The following AK9 variants were observed in gnomAD, a reference collection of about 807,000 sequenced individuals.
The protein encoded by AK9 is adenylate kinase 9.
In AK9, 191 loss-of-function variants were observed where a neutral mutation model predicts 239.6. The ratio of observed to expected loss-of-function variants is 0.80; its 90% confidence interval spans 0.71 to 0.90. The LOEUF (loss-of-function observed/expected upper bound fraction) is 0.90, where lower values mean the gene tolerates loss of function less well. Among genes scored for constraint, AK9 ranks in the 40% least tolerant of loss-of-function variants. The pLI, the probability that AK9 is intolerant of heterozygous loss-of-function variation, is 0.00. For missense variants in AK9, 1,995 were observed against 2,214.7 expected (o/e 0.90, Z 1.99); for synonymous variants, 689 against 721.0 (o/e 0.96, Z 0.71).
chr6:109,688,722 T>C (rs1773869523), intron 1 of AK9, among the ~76,000 whole-genome samples: 1 of 152,174 alleles, frequency 6.6e-6, no homozygotes, highest in Non-Finnish European at 1.5e-5. Flanking sequence ...GATGGTTCTA[T>C]CAGGGGACCC....
chr6:109,587,657 A>G (rs1437397115), intron 17 of AK9, among the ~76,000 whole-genome samples: 1 of 152,202 alleles, frequency 6.6e-6, no homozygotes, highest in African/African-American at 2.4e-5. Flanking sequence ...CTCCAGTTCC[A>G]TCCATGTTAC....
chr6:109,633,038 C>A lies in AK9; in HGVS notation c.1139G>T (p.Arg380Leu). 1 of 1,579,358 alleles carries A rather than the reference C, an allele frequency of 6.3e-7. No homozygotes were observed. Residue 380 changes from arginine (R) to leucine (L), a missense_variant, in exon 12 of 41, where the codon CGT becomes CTT. By Grantham distance (102) the Arg-to-Leu change is moderately radical. Around this residue, in one of 5 missense-constraint regions of AK9, gnomAD observed 1,290 missense variants for 1,392.7 expected, o/e 0.93. Coordinates refer to ENST00000424296, the MANE Select transcript of AK9 (RefSeq NM_001145128.3). ...EALKPFLLNP[R>L]PYLLPPMPGP... ...TGGCATAGGTGGAAGCAGATAGGGA[C>A]GTGGGTTCAACAAAAATGGTTTTAA...
At chr6:109,626,514 A>G (rs1167979689) in intron 12 of AK9, among the ~76,000 whole-genome samples, 2 of 152,212 alleles carry the variant, frequency 1.3e-5, no homozygotes, top group African/African-American at 4.8e-5. Context: ...CAATGGGGAT[A>G]CATTCTGAGA....
chr6:109,562,292 A>G (rs1785875893), intron 24 of AK9, among the ~76,000 whole-genome samples: 2 of 152,206 alleles, frequency 1.3e-5, no homozygotes, highest in South Asian at 2.1e-4. Context: ...AACTATGGTC[A>G]TACCATTAAT....
chr6:109,564,376 AAC>A (rs1459876189), intron 22 of AK9, 96 bp from the exon 23 acceptor site: 7 of 853,242 alleles, frequency 8.2e-6, no homozygotes, highest in Non-Finnish European at 1.2e-5. Context: ...AATTTTTTTA[AAC>A]AGTTAAAAAA....
At position 109,515,970 on chromosome 6, in the gene AK9, T is replaced by G. The variant is rs773371549; in HGVS notation, c.3952A>C (p.Asn1318His). ...CATTTCTCAAAAATGCTTGCACGAT[T>G]TTCCACCAGTGGTTTCAGTTTCATA... Reference protein sequence around the residue: ...LNMKLKPLVENRASIFEKCHP... With the variant: ...LNMKLKPLVEHRASIFEKCHP... Residue 1318 changes from asparagine (N) to histidine (H), a missense_variant, in exon 31 of 41, where the codon AAT becomes CAT. This residue lies in a region of AK9 where 1,290 missense variants were observed against 1,392.7 expected (regional missense o/e 0.93). Transcript: ENST00000424296. 7 of 1,551,566 alleles carry G rather than the reference T, an allele frequency of 4.5e-6. No individual in the cohort carries two copies. In the South Asian group the frequency reaches 8.3e-5, roughly 18 times the overall value.
At chr6:109,636,621 T>C (rs936434524) in intron 10 of AK9, among the ~76,000 whole-genome samples, 3 of 150,866 alleles carry the variant, frequency 2.0e-5, no homozygotes, top group African/African-American at 7.3e-5. Context: ...GTCTATTCTG[T>C]GTATCTCGTA....
chr6:109,589,635 C>T (rs1789958863), intron 17 of AK9, among the ~76,000 whole-genome samples: 1 of 151,996 alleles, frequency 6.6e-6, no homozygotes. Context: ...ACTGGGTATC[C>T]TTGTCTTGTT....
At chr6:109,650,211 C>T (rs1798717935) in intron 8 of AK9, among the ~76,000 whole-genome samples, 1 of 151,636 alleles carries the variant, frequency 6.6e-6, no homozygotes, top group African/African-American at 2.4e-5. Context: ...AAAGCAATGG[C>T]AACAAAAGCC....
At chr6:109,557,366 CCTT>C (rs1189901701) in intron 24 of AK9, among the ~76,000 whole-genome samples, 1 of 152,066 alleles carries the variant, frequency 6.6e-6, no homozygotes, top group East Asian at 1.9e-4. Flanking sequence ...GGTGCCTGCT[CCTT>C]CTTCTGGGAC....
rs1797592450 is a variant in AK9, at chr6:109,642,608, T to C, written c.835-992A>G. ...CTTCTGCCCTCTACCTTGAGGAAAGTGTGTCCCAGGTAGTAAAAAGTGGTA... is the reference window on the plus strand; with the variant it reads ...CTTCTGCCCTCTACCTTGAGGAAAGCGTGTCCCAGGTAGTAAAAAGTGGTA... On this transcript the variant is annotated intron_variant, in intron 9 of 40. Coordinates refer to ENST00000424296, the MANE Select transcript of AK9 (RefSeq NM_001145128.3). Among the ~76,000 whole-genome samples, 3 of 151,984 alleles carry C rather than the reference T, an allele frequency of 2.0e-5. No individual in the cohort carries two copies. The South Asian group carries it at 6.2e-4, about 32-fold the overall frequency.
At chr6:109,679,535 G>A (rs2128348643) in intron 1 of AK9, among the ~76,000 whole-genome samples, 1 of 152,258 alleles carries the variant, frequency 6.6e-6, no homozygotes, top group South Asian at 2.1e-4. Context: ...AGCTTCAGCA[G>A]ACTTAAACAT....
At chr6:109,676,575 G>A (rs1244570821) in intron 1 of AK9, among the ~76,000 whole-genome samples, 1 of 151,496 alleles carries the variant, frequency 6.6e-6, no homozygotes, top group African/African-American at 2.4e-5. Flanking sequence ...TCTTGATCAC[G>A]ATAAAATAAT....
intron 17 of AK9, among the ~76,000 whole-genome samples, chr6:109,589,074 C>A (rs76417631): frequency 0.021 from 3,155 of 152,094 alleles, 84 homozygotes; most frequent in East Asian, 0.11. Flanking sequence ...TTTTATTGTT[C>A]TGTACAAATT....
At position 109,610,444 on chromosome 6, in the gene AK9, G is replaced by A. The variant is rs969190632; in HGVS notation, c.1763C>T (p.Thr588Ile). 6.4e-6 allele frequency: 10 copies of A among 1,551,294 alleles called. No homozygotes were observed. In the East Asian group the frequency reaches 2.0e-4, roughly 30 times the overall value. The change falls in exon 17 of 41, where the codon ACT becomes ATT. Residue 588 changes from threonine to isoleucine, a missense_variant. Coordinates refer to ENST00000424296, the MANE Select transcript of AK9 (RefSeq NM_001145128.3). ...HPEVVTMIEE[T>I]IKMSQDINFE... is the part of the protein sequence containing the mutation. Reference sequence around the variant, plus strand: ...GTTTATATCCTGTGACATTTTTATAGTCTCTTCAATCATGGTCACAACCTC... The same window carrying A: ...GTTTATATCCTGTGACATTTTTATAATCTCTTCAATCATGGTCACAACCTC...
At chr6:109,662,126 C>T (rs1800507007) in intron 6 of AK9, among the ~76,000 whole-genome samples, 1 of 152,078 alleles carries the variant, frequency 6.6e-6, no homozygotes, top group Non-Finnish European at 1.5e-5. Context: ...AAGACAGAGT[C>T]TAGGAGGAAA....
intron 38 of AK9, among the ~76,000 whole-genome samples, chr6:109,497,204 C>T (rs1278989219): frequency 6.6e-6 from 1 of 151,922 alleles, no homozygotes; most frequent in Non-Finnish European, 1.5e-5. Flanking sequence ...GACCTTTGGG[C>T]TACACTCTCT....
intron 17 of AK9, among the ~76,000 whole-genome samples, chr6:109,588,102 G>A (rs1020454379): frequency 2.0e-5 from 3 of 148,834 alleles, no homozygotes; most frequent in Admixed American, 1.3e-4. Flanking sequence ...ACGGAGTTTC[G>A]CTCTGTCGCC....
chr6:109,632,911 T>TAGACAGA lies in AK9; in HGVS notation c.1254+11_1254+12insTCTGTCT. The TAGACAGA allele has an allele frequency of 1.3e-6, 2 of 1,493,052 alleles. No individual in the cohort carries two copies. Among genetic ancestry groups the TAGACAGA allele is most frequent in the Non-Finnish European group, 1.8e-6 (2 of 1,087,738 alleles). 92.5% of individuals were successfully genotyped at this position (1,493,052 alleles called of 1,614,324 possible). On this transcript the variant is annotated intron_variant, in intron 12 of 40. Coordinates refer to ENST00000424296, the MANE Select transcript of AK9 (RefSeq NM_001145128.3). ...GATAGATAGATAGATAGACAGATAG[T>TAGACAGA]TAGTTAGTCACCTTTCCTTTGTAAT... is the stretch of plus-strand genomic sequence containing the variant.
Sources: allele counts gnomAD v4.1 joint callset (sites outside exome capture counted in the v4.1 genomes callset), GRCh38; gene constraint gnomAD v4.1.1; regional missense constraint gnomAD v4.1.1; transcripts MANE v1.5; gene names NCBI Gene and HGNC (gene_info 2026-07-23, HGNC 2026-07-21).